Variants in PRKCE observed in about 807,000 individuals in gnomAD.
The protein encoded by PRKCE is protein kinase C epsilon type.
A neutral mutation model predicts 85.4 loss-of-function variants in PRKCE; 16 were observed. That is an observed-to-expected ratio of 0.19 (90% CI 0.13 to 0.28). The LOEUF (loss-of-function observed/expected upper bound fraction) is 0.28, where lower values mean the gene tolerates loss of function less well. Among genes scored for constraint, PRKCE ranks in the 10% least tolerant of loss-of-function variants. The pLI is 1.00. For synonymous variants in PRKCE, 388 were observed against 371.5 expected (o/e 1.04, Z -0.51); for missense variants, 573 against 975.2 (o/e 0.59, Z 5.49).
At chr2:45,733,476 A>G (rs919472329) in intron 1 of PRKCE, among the ~76,000 whole-genome samples, 13 of 152,212 alleles carry the variant, frequency 8.5e-5, no homozygotes, top group Admixed American at 6.5e-4. Flanking sequence ...GGGGTATGTG[A>G]TAAGATGATA....
At chr2:45,703,070 A>G (rs1678804191) in intron 1 of PRKCE, among the ~76,000 whole-genome samples, 1 of 151,630 alleles carries the variant, frequency 6.6e-6, no homozygotes. Flanking sequence ...AAGTTGTAAA[A>G]TTTAGCTGTC....
At chr2:45,779,921 C>A (rs1478005131) in intron 1 of PRKCE, among the ~76,000 whole-genome samples, 1 of 152,082 alleles carries the variant, frequency 6.6e-6, no homozygotes, top group African/African-American at 2.4e-5. Context: ...TATAATAAAT[C>A]TCCCTCAGCT....
intron 1 of PRKCE, among the ~76,000 whole-genome samples, chr2:45,684,070 T>C (rs1002141059): frequency 2.6e-5 from 4 of 152,188 alleles, no homozygotes; most frequent in Non-Finnish European, 4.4e-5. Context: ...TGAGAAATTA[T>C]GCCAGAGGTG....
chr2:45,705,401 C>A (rs1179813542), intron 1 of PRKCE, among the ~76,000 whole-genome samples: 1 of 152,200 alleles, frequency 6.6e-6, no homozygotes, highest in Non-Finnish European at 1.5e-5. Context: ...AAAAGGATGG[C>A]TTGTCAGAAA....
At chr2:46,019,168 T>C (rs1165343320) in intron 10 of PRKCE, among the ~76,000 whole-genome samples, 1 of 152,260 alleles carries the variant, frequency 6.6e-6, no homozygotes, top group Non-Finnish European at 1.5e-5. Flanking sequence ...GTCATTTCTT[T>C]ATAACATTAA....
chr2:45,686,743 GT>G (rs1677328007), intron 1 of PRKCE, among the ~76,000 whole-genome samples: 1 of 152,076 alleles, frequency 6.6e-6, no homozygotes, highest in African/African-American at 2.4e-5. Context: ...CTATATTTAA[GT>G]AGTATAGAAT....
intron 1 of PRKCE, among the ~76,000 whole-genome samples, chr2:45,723,754 A>G (rs1680823207): frequency 6.6e-6 from 1 of 152,028 alleles, no homozygotes; most frequent in Non-Finnish European, 1.5e-5. Context: ...ATGGGCGCCC[A>G]CCACCACACC....
chr2:46,183,975 G>A (rs374516843), intron 14 of PRKCE, among the ~76,000 whole-genome samples: 1 of 152,084 alleles, frequency 6.6e-6, no homozygotes, highest in African/African-American at 2.4e-5. Flanking sequence ...GAACCATAAG[G>A]CACACAGTTG....
intron 11 of PRKCE, among the ~76,000 whole-genome samples, chr2:46,111,236 A>T (rs1672227921): frequency 6.6e-6 from 1 of 152,158 alleles, no homozygotes; most frequent in Non-Finnish European, 1.5e-5. Context: ...GGTCAACTAT[A>T]TCCTTATTGA....
intron 11 of PRKCE, among the ~76,000 whole-genome samples, chr2:46,136,853 G>T (rs1015966332): frequency 1.3e-5 from 2 of 152,224 alleles, no homozygotes; most frequent in East Asian, 3.8e-4. Context: ...AAAAGTCTCA[G>T]TCAGTCTCAT....
At chr2:45,976,916 A>T (rs1702500033) in intron 3 of PRKCE, among the ~76,000 whole-genome samples, 1 of 148,234 alleles carries the variant, frequency 6.7e-6, no homozygotes, top group Admixed American at 6.7e-5. Flanking sequence ...TCTTGTTTTG[A>T]GACAGAGTCT....
chr2:45,779,128 A>G (rs149742185), intron 1 of PRKCE, among the ~76,000 whole-genome samples: 1 of 152,334 alleles, frequency 6.6e-6, no homozygotes, highest in East Asian at 1.9e-4. Flanking sequence ...TTGGAACTTT[A>G]CTGAGCACCT....
At chr2:46,029,954 T>C (rs1462700413) in intron 10 of PRKCE, among the ~76,000 whole-genome samples, 1 of 152,142 alleles carries the variant, frequency 6.6e-6, no homozygotes, top group Non-Finnish European at 1.5e-5. Flanking sequence ...CTGTCCTTTC[T>C]TCTAAATACC....
rs1704685161 is a variant in PRKCE, at chr2:46,001,570, G to T, written c.966+24G>T. 6.3e-7 allele frequency: 1 copy of T among 1,592,878 alleles called. No homozygotes were observed. Among genetic ancestry groups the T allele is most frequent in the Non-Finnish European group, 8.5e-7 (1 of 1,175,878 alleles). On this transcript the variant is annotated intron_variant, in intron 7 of 14. Coordinates refer to ENST00000306156, the MANE Select transcript of PRKCE (RefSeq NM_005400.3). The surrounding 1 kb of genome is among the most constrained non-coding windows in gnomAD (Gnocchi z 4.4). The stretch of plus-strand genomic sequence containing the variant: ...AGGTAACTGGCTGTTTGGTGGTGTT[G>T]CTGGAGCCCTTTTCAGGCTAGCATT...
chr2:45,702,972 G>T (rs1678778558), intron 1 of PRKCE, among the ~76,000 whole-genome samples: 1 of 151,998 alleles, frequency 6.6e-6, no homozygotes, highest in South Asian at 2.1e-4. Flanking sequence ...AACAGCCTCG[G>T]CAGATAACAG....
At chr2:45,760,142 G>A (rs1444416900) in intron 1 of PRKCE, among the ~76,000 whole-genome samples, 1 of 152,206 alleles carries the variant, frequency 6.6e-6, no homozygotes, top group Non-Finnish European at 1.5e-5. Flanking sequence ...CTGTGAAAAG[G>A]AGAAGAGATT....
At chr2:45,744,503 T>C (rs1454160523) in intron 1 of PRKCE, among the ~76,000 whole-genome samples, 7 of 37,232 alleles carry the variant, frequency 1.9e-4, no homozygotes, top group African/African-American at 7.1e-4. Flanking sequence ...TTCTTTCTTT[T>C]CTTTCTTTCT....
At chr2:45,799,974 A>AT (rs1255296921) in intron 1 of PRKCE, among the ~76,000 whole-genome samples, 1 of 152,208 alleles carries the variant, frequency 6.6e-6, no homozygotes, top group Non-Finnish European at 1.5e-5. Flanking sequence ...GAAAGCCTGG[A>AT]TTTGAGACTG....
chr2:45,879,032 G>T (rs1484084275), intron 2 of PRKCE, among the ~76,000 whole-genome samples: 1 of 152,266 alleles, frequency 6.6e-6, no homozygotes, highest in South Asian at 2.1e-4. Flanking sequence ...CTCAAGCCTG[G>T]AACTACGGCA....
Sources: gnomAD v4.1 joint callset for allele counts (sites outside exome capture counted in the v4.1 genomes callset) on GRCh38, gnomAD v4.1.1 for gene constraint, Gnocchi (gnomAD v3.1) non-coding constraint, MANE v1.5 for transcripts, NCBI Gene and HGNC (gene_info 2026-07-23, HGNC 2026-07-21) for gene names.